SAGE1: variants seen among roughly 807,000 people sequenced by gnomAD.
SAGE1 encodes the protein sarcoma antigen 1.
SAGE1 carries 55 observed loss-of-function variants against 55.4 expected under a neutral mutation model. That is an observed-to-expected ratio of 0.99 (90% CI 0.80 to 1.24). The LOEUF is 1.24. Ranked by LOEUF, SAGE1 falls within the 50% of genes most tolerant of loss-of-function variation. The probability of loss-of-function intolerance (pLI) is 0.00; values close to 1 mark genes in which losing one functional copy is unlikely to be tolerated. For synonymous variants in SAGE1, 240 were observed against 244.3 expected (o/e 0.98, Z 0.17); for missense variants, 710 against 704.4 (o/e 1.01, Z -0.09).
rs782650476 is a variant in SAGE1 at position 135,907,732 on chromosome X, G to A, written c.1050G>A (p.Glu350=). The A allele has an allele frequency of 8.3e-7, 1 of 1,210,105 alleles. No individual in the cohort carries two copies. Among genetic ancestry groups the A allele is most frequent in the Non-Finnish European group, 1.1e-6 (1 of 894,233 alleles). The change falls in exon 10 of 20, where the codon GAG becomes GAA. Residue 350 remains glutamate (E), a synonymous_variant. Coordinates refer to ENST00000370709, the MANE Select transcript of SAGE1 (RefSeq NM_001381902.1). The part of the protein sequence containing the change: ...YATITHNVCE[E]RVVNNQPLPS... ...CCATCACTCACAATGTCTGTGAAGA[G>A]AGAGTGGTAAATAACCAACCACTAC...
chrX:135,905,678 T>TA (rs1230963992), intron 5 of SAGE1, among the ~76,000 whole-genome samples: 4 of 111,637 alleles, frequency 3.6e-5, no homozygotes, highest in African/African-American at 9.8e-5. Context: ...GAAGAGAAGA[T>TA]AAAAAATGAA....
At position 135,906,263 on chromosome X, in the gene SAGE1, G is replaced by A; in HGVS notation, c.595+99G>A. 7 of 1,078,585 alleles carry A rather than the reference G, an allele frequency of 6.5e-6. No homozygotes were observed. In the South Asian group the frequency reaches 1.5e-4, roughly 23 times the overall value. The allele number at this position is 1,078,585 out of a possible 1,213,427, so 88.9% of individuals were successfully genotyped here. A position where few individuals can be genotyped will look rare whatever the true frequency, so the allele number is the denominator to read the frequency against. ...TGGTTTTGTTGTGTTATCGTTTCTGGCCTAAATCTGAGGGGTCTCACATCA... is the reference window on the plus strand; with the variant it reads ...TGGTTTTGTTGTGTTATCGTTTCTGACCTAAATCTGAGGGGTCTCACATCA... On this transcript the variant is annotated intron_variant, in intron 6 of 19. Transcript: ENST00000370709.
intron 13 of SAGE1, 70 bp downstream of exon 13, chrX:135,909,074 A>T: frequency 9.9e-7 from 1 of 1,014,132 alleles, no homozygotes; most frequent in South Asian, 2.2e-5. Flanking sequence ...TGAAGGGTAG[A>T]TGTGGTTTTG....
rs782080834 is a variant in SAGE1, at chrX:135,908,637, A to G, written c.1441+20A>G. 11 of 1,159,328 alleles carry G rather than the reference A, an allele frequency of 9.5e-6. No homozygotes were observed. Among genetic ancestry groups the G allele is most frequent in the African/African-American group, 5.4e-5 (3 of 55,477 alleles). ...ATCTGTGTATGTGTGTTTTTTAGTTATACCATCCTCCTTGATTTCCATATG... is the reference window on the plus strand; with the variant it reads ...ATCTGTGTATGTGTGTTTTTTAGTTGTACCATCCTCCTTGATTTCCATATG... On this transcript the variant is annotated intron_variant, in intron 12 of 19. Coordinates refer to ENST00000370709, the MANE Select transcript of SAGE1 (RefSeq NM_001381902.1).
chrX:135,898,833 T>TG (rs782207016), intron 2 of SAGE1, among the ~76,000 whole-genome samples: 2 of 112,405 alleles, frequency 1.8e-5, no homozygotes, highest in Non-Finnish European at 3.8e-5. Flanking sequence ...CACTTTTTAA[T>TG]GGGGTTGTTT....
rs782522855 is a variant in SAGE1 at position 135,911,727 on chromosome X, C to T, written c.2295C>T (p.His765=). The T allele has an allele frequency of 8.3e-7, 1 of 1,209,151 alleles. No individual in the cohort carries two copies. Among genetic ancestry groups the T allele is most frequent in the South Asian group, 1.8e-5 (1 of 56,814 alleles). Residue 765 remains histidine (H), a synonymous_variant, in exon 18 of 20, where the codon CAC becomes CAT. Transcript: ENST00000370709. ...MPPNALDSFS[H]DFTSLSKDEL... ...CCAATGCATTGGATTCTTTCTCTCA[C>T]GACTTCACAAGTCTCAGCAAAGATG... is the stretch of plus-strand genomic sequence containing the variant.
At chrX:135,901,329 G>C (rs1302355496) in intron 2 of SAGE1, among the ~76,000 whole-genome samples, 4 of 111,001 alleles carry the variant, frequency 3.6e-5, no homozygotes, top group African/African-American at 1.3e-4. Context: ...TACCATGTTT[G>C]ACTTTGGATA....
intron 9 of SAGE1, 23 bp from the exon 10 acceptor site, chrX:135,907,678 C>T: frequency 8.3e-7 from 1 of 1,206,423 alleles, no homozygotes; most frequent in South Asian, 1.8e-5. Flanking sequence ...GCTCAGAGCT[C>T]AAGCTTTTCA....
At chrX:135,903,497 A>G (rs2088720000) in intron 3 of SAGE1, among the ~76,000 whole-genome samples, 1 of 113,013 alleles carries the variant, frequency 8.8e-6, no homozygotes, top group African/African-American at 3.2e-5. Context: ...GCTGCCTGCC[A>G]CAGATGATGA....
At chrX:135,911,090 T>A in intron 16 of SAGE1, 102 bp from the exon 17 acceptor site, 1 of 926,324 alleles carries the variant, frequency 1.1e-6, no homozygotes, top group East Asian at 3.1e-5. Context: ...ATCCTCCTGC[T>A]GTATGGGATA....
chrX:135,912,725 A>G, intron 19 of SAGE1, 73 bp from the exon 20 acceptor site: 1 of 1,156,260 alleles, frequency 8.6e-7, no homozygotes, highest in Middle Eastern at 3.1e-4. Context: ...TCTATTTTGT[A>G]TCCACTCTAC....
chrX:135,908,006 A>G, intron 10 of SAGE1, 83 bp from the exon 11 acceptor site: 5 of 1,106,585 alleles, frequency 4.5e-6, no homozygotes, highest in Admixed American at 2.3e-5. Context: ...AAATTCCTAG[A>G]TAGTGAGCAT....
intron 3 of SAGE1, among the ~76,000 whole-genome samples, chrX:135,902,858 G>A (rs376882169): frequency 8.9e-6 from 1 of 111,842 alleles, no homozygotes. Flanking sequence ...GCATGCTGCC[G>A]TGATCTGTCT....
chrX:135,895,082 C>T (rs2088564291), intron 1 of SAGE1, among the ~76,000 whole-genome samples: 1 of 111,062 alleles, frequency 9.0e-6, no homozygotes. Context: ...TCTGGTAATC[C>T]TTATAAGAGC....
Position 135,912,403 on chromosome X carries a change from G to T in SAGE1, c.2604G>T (p.Lys868Asn), listed in dbSNP as rs2088914748. ...VKRQFVEFTI[K>N]EAARFKKVVL... Reference sequence around the variant, plus strand: ...GACAATTTGTTGAATTTACCATCAAGGAAGCAGCAAGGTGAGTGCAAAAAG... The same window carrying T: ...GACAATTTGTTGAATTTACCATCAATGAAGCAGCAAGGTGAGTGCAAAAAG... The change falls in exon 19 of 20, where the codon AAG becomes AAT. Residue 868 changes from lysine to asparagine, a missense_variant. Transcript: ENST00000370709. 1 of 1,204,662 alleles carries T rather than the reference G, an allele frequency of 8.3e-7. No homozygotes were observed. The highest frequency in any genetic ancestry group is 1.8e-5 in the South Asian group (1 of 55,355).
At chrX:135,905,179 A>C in intron 4 of SAGE1, 73 bp from the exon 5 acceptor site, 1 of 978,296 alleles carries the variant, frequency 1.0e-6, no homozygotes, top group Non-Finnish European at 1.4e-6. Flanking sequence ...GAAACCGAGC[A>C]TCAGTGGGAT....
chrX:135,906,991 A>T lies in SAGE1; in HGVS notation c.802A>T (p.Ile268Phe), dbSNP rs77252560. The T allele has an allele frequency of 5.8e-4, 695 of 1,207,966 alleles. No homozygotes were observed. In the African/African-American group the frequency reaches 0.01, roughly 18 times the overall value. Residue 268 changes from isoleucine to phenylalanine, a missense_variant, in exon 8 of 20, where the codon ATC (isoleucine) becomes TTC (phenylalanine). Physicochemically the swap from Ile to Phe is conservative, Grantham distance 21. Transcript: ENST00000370709. ...AAAGGGCCAACCCCAACCTGATAAC[A>T]TCTTGTCAACTGCTTCAACAGGGCT... Reference protein sequence around the residue: ...MEKGQPQPDNILSTASTGLIN... With the variant: ...MEKGQPQPDNFLSTASTGLIN...
At chrX:135,908,790 C>G in intron 12 of SAGE1, 74 bp from the exon 13 acceptor site, 2 of 1,130,178 alleles carry the variant, frequency 1.8e-6, no homozygotes, top group Non-Finnish European at 2.4e-6. Flanking sequence ...AAAAATTCAT[C>G]ATCAGTGGGA....
At chrX:135,894,362 G>A (rs1556592060) in intron 1 of SAGE1, among the ~76,000 whole-genome samples, 2 of 113,059 alleles carry the variant, frequency 1.8e-5, no homozygotes, top group African/African-American at 6.4e-5. Context: ...GTGAGCCACT[G>A]CACCCAGCCT....
Sources: allele counts gnomAD v4.1 joint callset (sites outside exome capture counted in the v4.1 genomes callset), GRCh38; gene constraint gnomAD v4.1.1; transcripts MANE v1.5; gene names NCBI Gene and HGNC (gene_info 2026-07-23, HGNC 2026-07-21).